Variants in ADCY3 observed in about 807,000 individuals in gnomAD.
The protein encoded by ADCY3 is adenylate cyclase type 3.
Under a neutral mutation model 119.4 loss-of-function variants are expected in ADCY3, and 70 were observed. The ratio of observed to expected loss-of-function variants is 0.59; its 90% confidence interval spans 0.48 to 0.72. ADCY3 has a LOEUF of 0.72. ADCY3 is among the 30% of genes least tolerant of loss of function. ADCY3 has a pLI of 0.00. For synonymous variants in ADCY3, 672 were observed against 621.4 expected (o/e 1.08, Z -1.21); for missense variants, 1,238 against 1,541.6 (o/e 0.80, Z 3.30).
rs1459604524 is a variant in ADCY3 at position 24,911,641 on chromosome 2, A to ACACAC, written c.675+6671_675+6672insGTGTG. ...CTCCAGCCTGGGAGACAGACTCAAA[A>ACACAC]AAAAAAAAAAAAAAAAACACACACA... On this transcript the variant is annotated intron_variant, in intron 2 of 21. Coordinates refer to ENST00000679454, the MANE Select transcript of ADCY3 (RefSeq NM_004036.5). Among the ~76,000 whole-genome samples the ACACAC allele has an allele frequency of 5.5e-3, 318 of 58,098 alleles. 3 individuals are homozygous for ACACAC. The highest frequency in any genetic ancestry group is 0.014 in the African/African-American group (235 of 17,106). The allele number at this position is 58,098 out of a possible 152,430, so 38.1% of individuals were successfully genotyped here.
chr2:24,919,564 C>T lies in ADCY3; in HGVS notation c.-198+119G>A, dbSNP rs1664868305. On this transcript the variant is annotated intron_variant, in intron 1 of 21. Coordinates refer to ENST00000679454, the MANE Select transcript of ADCY3 (RefSeq NM_004036.5). This position sits in a 1 kb window ranked among gnomAD's most constrained non-coding sequence, Gnocchi z 5.5. ...CATCGTGGGGGATTCCTGAGCCTTC[C>T]TTCTGTTTACTTCCTTTTTCCACCA... The T allele has an allele frequency of 6.5e-6, 1 of 152,672 alleles. No homozygotes were observed. The allele number at this position is 152,672 out of a possible 1,614,324, so 9.5% of individuals were successfully genotyped here.
chr2:24,840,166 TTG>T, intron 6 of ADCY3, 135 bp from the exon 7 acceptor site: 1 of 1,230,816 alleles, frequency 8.1e-7, no homozygotes, highest in Non-Finnish European at 1.1e-6. Flanking sequence ...TCCCCACAGC[TTG>T]GTGTTGGGTG....
chr2:24,918,182 G>C lies in ADCY3; in HGVS notation c.675+131C>G. 2 of 975,428 alleles carry C rather than the reference G, an allele frequency of 2.1e-6. No individual in the cohort carries two copies. Among genetic ancestry groups the C allele is most frequent in the Admixed American group, 2.4e-5 (1 of 42,038 alleles). 60.4% of individuals were successfully genotyped at this position (975,428 alleles called of 1,614,324 possible). On this transcript the variant is annotated intron_variant, in intron 2 of 21. Transcript: ENST00000679454. The surrounding 1 kb of genome is among the most constrained non-coding windows in gnomAD (Gnocchi z 5.4). ...GGTGAAAAGGCAGGGACTAGGGAGA[G>C]AGGTGAGAGCCCCGGAGGCCCCCAG... is the stretch of plus-strand genomic sequence containing the variant.
intron 3 of ADCY3, among the ~76,000 whole-genome samples, chr2:24,854,987 C>T (rs6545766): frequency 0.49 from 74,956 of 151,874 alleles, 20,754 homozygotes; most frequent in African/African-American, 0.76. Flanking sequence ...GAGAGAGAGG[C>T]TGCAGTGAAC....
In ADCY3 at chr2:24,838,507, G is replaced by A. The variant is rs1298830110; in HGVS notation, c.1471C>T (p.Leu491Phe). ...ACCTCTGGCTTGGAGGCAATGATGA[G>A]GTAGGTTTCAATACCCTTCTCTTCT... ...YLEEKGIETY[L>F]IIASKPEVKK... The change falls in exon 8 of 22, where the codon CTC (leucine) becomes TTC (phenylalanine). Residue 491 changes from leucine (L) to phenylalanine (F), a missense_variant. Leu to Phe is a conservative substitution (Grantham distance 22, BLOSUM62 0). Around this residue, in one of 7 missense-constraint regions of ADCY3, gnomAD observed 283 missense variants for 437.2 expected, o/e 0.65. Coordinates refer to ENST00000679454, the MANE Select transcript of ADCY3 (RefSeq NM_004036.5). 8 of 1,614,090 alleles carry A rather than the reference G, an allele frequency of 5.0e-6. No homozygotes were observed. Among genetic ancestry groups the A allele is most frequent in the Admixed American group, 1.7e-5 (1 of 60,014 alleles).
At chr2:24,909,942 T>C (rs1038428794) in intron 2 of ADCY3, among the ~76,000 whole-genome samples, 2 of 152,196 alleles carry the variant, frequency 1.3e-5, no homozygotes, top group African/African-American at 2.4e-5. Flanking sequence ...CTGTGATAGC[T>C]TCCACCTTCT....
chr2:24,833,019 A>G (rs1425461988), intron 11 of ADCY3, among the ~76,000 whole-genome samples: 1 of 152,190 alleles, frequency 6.6e-6, no homozygotes, highest in Non-Finnish European at 1.5e-5. Context: ...TACATTCAGC[A>G]TCTATCGACG....
At chr2:24,822,680 GACCCA>G (rs1667955796) in intron 18 of ADCY3, 50 bp from the exon 19 acceptor site, 1 of 1,600,964 alleles carries the variant, frequency 6.2e-7, no homozygotes, top group African/African-American at 1.3e-5. Context: ...GGAGAGGAAT[GACCCA>G]ACCCAGTGAC....
At chr2:24,839,801 C>A in intron 7 of ADCY3, 72 bp downstream of exon 7, 2 of 1,602,134 alleles carry the variant, frequency 1.2e-6, no homozygotes, top group South Asian at 2.2e-5. Context: ...TCATCAGGGT[C>A]ACAGCCCTGG....
intron 3 of ADCY3, among the ~76,000 whole-genome samples, chr2:24,855,792 TG>T (rs1350800119): frequency 1.3e-5 from 2 of 152,180 alleles, no homozygotes; most frequent in African/African-American, 4.8e-5. Flanking sequence ...CTGGGCCTCC[TG>T]GGCTGGGATC....
At chr2:24,879,738 C>T (rs1030206659) in intron 2 of ADCY3, among the ~76,000 whole-genome samples, 4 of 152,152 alleles carry the variant, frequency 2.6e-5, no homozygotes, top group Non-Finnish European at 5.9e-5. Flanking sequence ...GCGCTGAGAC[C>T]GGAACCCAGA....
chr2:24,827,650 C>G (rs1572801658), intron 14 of ADCY3, 42 bp from the exon 15 acceptor site: 2 of 1,559,250 alleles, frequency 1.3e-6, no homozygotes, highest in Admixed American at 1.9e-5. Flanking sequence ...CATCTGGGAA[C>G]AAGAGCCTGA....
chr2:24,853,457 C>T (rs955370405), intron 3 of ADCY3, among the ~76,000 whole-genome samples: 2 of 149,130 alleles, frequency 1.3e-5, no homozygotes, highest in Non-Finnish European at 3.0e-5. Flanking sequence ...CAGATTGAAA[C>T]GCGCCTCATC....
At chr2:24,822,306 C>T in intron 19 of ADCY3, 2 of 646,350 alleles carry the variant, frequency 3.1e-6, no homozygotes. Context: ...CTGTGAACAG[C>T]AGGGGGTTGT....
At position 24,919,189 on chromosome 2, in the gene ADCY3, A is replaced by T; in HGVS notation, c.-197-5T>A. The T allele has an allele frequency of 1.7e-6, 1 of 592,856 alleles. No homozygotes were observed. 36.7% of individuals were successfully genotyped at this position (592,856 alleles called of 1,614,324 possible). On this transcript the variant is annotated splice_polypyrimidine_tract_variant and splice_region_variant and intron_variant, in intron 1 of 21. Transcript: ENST00000679454. This position sits in a 1 kb window ranked among gnomAD's most constrained non-coding sequence, Gnocchi z 5.5. ...GGTAGCACTGATCAGCTAGAACTGA[A>T]AAGGGCATTGCTGAGTAGAAGCACC...
At chr2:24,851,259 C>G (rs995479247) in intron 3 of ADCY3, among the ~76,000 whole-genome samples, 3 of 151,970 alleles carry the variant, frequency 2.0e-5, no homozygotes, top group African/African-American at 7.2e-5. Flanking sequence ...GACACACAGC[C>G]AAAATGGGGG....
intron 2 of ADCY3, among the ~76,000 whole-genome samples, chr2:24,906,306 A>C (rs921656962): frequency 6.6e-6 from 1 of 152,120 alleles, no homozygotes; most frequent in Non-Finnish European, 1.5e-5. Context: ...GACTGTTTAA[A>C]AAAAAAATAA....
rs547073393 is a variant in ADCY3, at chr2:24,833,638, G to A, written c.1967+847C>T. On this transcript the variant is annotated intron_variant, in intron 11 of 21. Coordinates refer to ENST00000679454, the MANE Select transcript of ADCY3 (RefSeq NM_004036.5). ...CAGAACCCAAGTTTCACGAGAGCAGGGGTTTCTGTGTGCCGCATCGCTGCC... is the reference window on the plus strand; with the variant it reads ...CAGAACCCAAGTTTCACGAGAGCAGAGGTTTCTGTGTGCCGCATCGCTGCC... Among the ~76,000 whole-genome samples, 457 of 152,336 alleles carry A rather than the reference G, an allele frequency of 3.0e-3. 4 individuals carry two copies. Among genetic ancestry groups the A allele is most frequent in the African/African-American group, 0.01 (432 of 41,576 alleles).
intron 2 of ADCY3, among the ~76,000 whole-genome samples, chr2:24,877,730 T>TA (rs1277228147): frequency 6.6e-6 from 1 of 152,130 alleles, no homozygotes; most frequent in Admixed American, 6.5e-5. Flanking sequence ...AAGAGCAACT[T>TA]ATTCCCAGGG....
Sources: allele counts gnomAD v4.1 joint callset (sites outside exome capture counted in the v4.1 genomes callset), GRCh38; gene constraint gnomAD v4.1.1; regional missense constraint gnomAD v4.1.1; non-coding constraint Gnocchi (gnomAD v3.1); transcripts MANE v1.5; gene names NCBI Gene and HGNC (gene_info 2026-07-23, HGNC 2026-07-21).